Variants in PPME1 observed in about 807,000 individuals in gnomAD.
PPME1 encodes the protein testicular secretory protein Li 39.
Under a neutral mutation model 56.9 loss-of-function variants are expected in PPME1, and 17 were observed. The observed-to-expected ratio is 0.30, with a 90% confidence interval of 0.20 to 0.45. The LOEUF (loss-of-function observed/expected upper bound fraction) is 0.45, where lower values mean the gene tolerates loss of function less well. Among genes scored for constraint, PPME1 ranks in the 20% least tolerant of loss-of-function variants. PPME1 has a pLI of 1.00. For missense variants in PPME1, 357 were observed against 483.2 expected (o/e 0.74, Z 2.45); for synonymous variants, 122 against 156.2 (o/e 0.78, Z 1.63).
At chr11:74,190,430 A>T (rs1476709616) in intron 1 of PPME1, among the ~76,000 whole-genome samples, 1 of 152,162 alleles carries the variant, frequency 6.6e-6, no homozygotes, top group African/African-American at 2.4e-5. Context: ...TTGCCATGTG[A>T]TGTGGCTGCT....
intron 8 of PPME1, among the ~76,000 whole-genome samples, chr11:74,236,823 A>G (rs1428988178): frequency 6.6e-6 from 1 of 152,236 alleles, no homozygotes; most frequent in Admixed American, 6.5e-5. Context: ...TCTAAAAATA[A>G]GGGCTCTTTA....
chr11:74,187,095 C>A lies in PPME1; in HGVS notation c.101+15573C>A, dbSNP rs1017732869. Among the ~76,000 whole-genome samples the A allele has an allele frequency of 2.6e-5, 4 of 152,172 alleles. No individual in the cohort carries two copies. In the South Asian group the frequency reaches 6.2e-4, roughly 24 times the overall value. ...TGTTTTTGAACCCTCAATTCTATAT[C>A]ATTGATTTATATATCGATCAGTATA... On this transcript the variant is annotated intron_variant, in intron 1 of 13. Coordinates refer to ENST00000328257, the MANE Select transcript of PPME1 (RefSeq NM_016147.3).
chr11:74,196,025 G>A (rs890378708), intron 1 of PPME1, among the ~76,000 whole-genome samples: 3 of 152,134 alleles, frequency 2.0e-5, no homozygotes, highest in Admixed American at 2.0e-4. Context: ...TTTCTATAAT[G>A]ACTAACAGGA....
chr11:74,172,386 A>G (rs76177991), intron 1 of PPME1, among the ~76,000 whole-genome samples: 3,715 of 152,286 alleles, frequency 0.024, 139 homozygotes, highest in African/African-American at 0.084. Context: ...GGTTTGGTGA[A>G]TGGAAGTGCT....
intron 5 of PPME1, among the ~76,000 whole-genome samples, chr11:74,228,542 C>G (rs1353528896): frequency 6.6e-6 from 1 of 152,170 alleles, no homozygotes; most frequent in Non-Finnish European, 1.5e-5. Flanking sequence ...CTCCCACATG[C>G]TTAGTGTTCC....
chr11:74,248,209 A>G (rs1343086803), intron 11 of PPME1: 1 of 152,442 alleles, frequency 6.6e-6, no homozygotes, highest in East Asian at 1.9e-4. Context: ...CTTTTGGGTT[A>G]TGGGAAGAAG....
chr11:74,237,273 G>GTTTTTTTTTTT (rs1859214670), intron 8 of PPME1, among the ~76,000 whole-genome samples: 4 of 134,374 alleles, frequency 3.0e-5, no homozygotes, highest in African/African-American at 1.4e-4. Flanking sequence ...ATGTCTGGTT[G>GTTTTTTTTTTT]TCTTTTTTTT....
At chr11:74,208,240 G>A (rs1338944938) in intron 3 of PPME1, among the ~76,000 whole-genome samples, 1 of 151,776 alleles carries the variant, frequency 6.6e-6, no homozygotes, top group African/African-American at 2.4e-5. Flanking sequence ...TGAACACGGG[G>A]GGCAGAGGTT....
chr11:74,210,100 A>G (rs1402509240), intron 3 of PPME1, among the ~76,000 whole-genome samples: 5 of 152,272 alleles, frequency 3.3e-5, no homozygotes, highest in Admixed American at 3.3e-4. Flanking sequence ...TTGCTCATTC[A>G]CCTAATCCTA....
At chr11:74,208,140 C>T (rs565599289) in intron 3 of PPME1, among the ~76,000 whole-genome samples, 33 of 152,000 alleles carry the variant, frequency 2.2e-4, no homozygotes, top group African/African-American at 5.8e-4. Flanking sequence ...GGTGAAACCC[C>T]GTCTTTACTA....
Position 74,254,650 on chromosome 11 carries a change from G to C in PPME1, c.*1140G>C, listed in dbSNP as rs981235281. The C allele has an allele frequency of 6.5e-6, 1 of 152,736 alleles. No homozygotes were observed. Among genetic ancestry groups the C allele is most frequent in the Non-Finnish European group, 1.5e-5 (1 of 68,086 alleles). 9.5% of individuals were successfully genotyped at this position (152,736 alleles called of 1,614,324 possible). A position where few individuals can be genotyped will look rare whatever the true frequency, so the allele number is the denominator to read the frequency against. On this transcript the variant is annotated 3_prime_UTR_variant, in exon 14 of 14. Transcript: ENST00000328257. The stretch of plus-strand genomic sequence containing the variant: ...TGGTCCGGAGTCTGGGACCTACTTT[G>C]TTTTTTGTTATTTATGACCTTGTTT...
chr11:74,192,313 C>T (rs1857861556), intron 1 of PPME1, among the ~76,000 whole-genome samples: 1 of 152,172 alleles, frequency 6.6e-6, no homozygotes, highest in Admixed American at 6.5e-5. Context: ...TTACCCAATG[C>T]ATGTACCACC....
rs372570533 is a variant in PPME1, at chr11:74,217,905, T to C, written c.289-4407T>C. Among the ~76,000 whole-genome samples, 7 of 152,280 alleles carry C rather than the reference T, an allele frequency of 4.6e-5. No individual in the cohort carries two copies. The East Asian group carries it at 9.6e-4, about 21-fold the overall frequency. ...AGGATACTCACTTTCATCACTGTTA[T>C]TCAACATATTATTGGAAGTCTTAGC... On this transcript the variant is annotated intron_variant, in intron 3 of 13. Transcript: ENST00000328257.
chr11:74,192,853 T>G (rs965394665), intron 1 of PPME1, among the ~76,000 whole-genome samples: 2 of 152,192 alleles, frequency 1.3e-5, no homozygotes, highest in Non-Finnish European at 2.9e-5. Flanking sequence ...GCTGGTACCA[T>G]GCAGAACCAT....
chr11:74,183,663 G>A (rs1857597705), intron 1 of PPME1, among the ~76,000 whole-genome samples: 1 of 152,042 alleles, frequency 6.6e-6, no homozygotes, highest in African/African-American at 2.4e-5. Flanking sequence ...ATACTTGATA[G>A]TTCTTTTTCT....
intron 5 of PPME1, among the ~76,000 whole-genome samples, chr11:74,227,230 TATC>T (rs927521895): frequency 1.9e-4 from 29 of 152,292 alleles, no homozygotes; most frequent in Admixed American, 1.8e-3. Flanking sequence ...CATAGCTTAA[TATC>T]ATGCCTACTG....
chr11:74,238,656 A>C (rs1859260227), intron 8 of PPME1: 1 of 152,332 alleles, frequency 6.6e-6, no homozygotes, highest in Non-Finnish European at 1.5e-5. Flanking sequence ...GGTTTCTGTC[A>C]GCTAATTAAA....
At chr11:74,226,002 T>C (rs1446138920) in intron 5 of PPME1, among the ~76,000 whole-genome samples, 6 of 152,206 alleles carry the variant, frequency 3.9e-5, no homozygotes, top group Admixed American at 3.9e-4. Flanking sequence ...GCCAAAAATA[T>C]CTTGCCCTCT....
chr11:74,186,478 G>A (rs1453078147), intron 1 of PPME1, among the ~76,000 whole-genome samples: 1 of 152,114 alleles, frequency 6.6e-6, no homozygotes, highest in East Asian at 1.9e-4. Context: ...TTCTAGCTCA[G>A]CTACTTCCCA....
Sources: allele counts gnomAD v4.1 joint callset (sites outside exome capture counted in the v4.1 genomes callset), GRCh38; gene constraint gnomAD v4.1.1; transcripts MANE v1.5; gene names NCBI Gene and HGNC (gene_info 2026-07-23, HGNC 2026-07-21).